PGLYRP2: variants seen among roughly 807,000 people sequenced by gnomAD.
PGLYRP2 encodes N-acetylmuramoyl-L-alanine amidase.
Under a neutral mutation model 46.2 loss-of-function variants are expected in PGLYRP2, and 38 were observed. The ratio of observed to expected loss-of-function variants is 0.82; its 90% CI spans 0.64 to 1.08. The LOEUF (loss-of-function observed/expected upper bound fraction) is 1.08, where lower values mean the gene tolerates loss of function less well. Ranked by LOEUF, PGLYRP2 falls within the 50% of genes least tolerant of loss-of-function variation. The pLI, the probability that PGLYRP2 is intolerant of heterozygous loss-of-function variation, is 0.00. For missense variants in PGLYRP2, 713 were observed against 755.9 expected (o/e 0.94, Z 0.67); for synonymous variants, 289 against 329.4 (o/e 0.88, Z 1.33).
At chr19:15,473,840 AAAAGAAAGAAAGAAAGAAAAAG>A (rs765818222) in intron 2 of PGLYRP2, among the ~76,000 whole-genome samples, 3 of 150,808 alleles carry the variant, frequency 2.0e-5, no homozygotes, top group Non-Finnish European at 3.0e-5. Context: ...GAAAGAAAGA[AAAAGAAAGAAAGAAAGAAAAAG>A]AAAGAAAGAA....
chr19:15,479,455 G>T lies in PGLYRP2; in HGVS notation c.-84C>A. 2 of 1,342,514 alleles carry T rather than the reference G, an allele frequency of 1.5e-6. No homozygotes were observed. The highest frequency in any genetic ancestry group is 2.4e-5 in the East Asian group (1 of 40,902). The allele number at this position is 1,342,514 out of a possible 1,614,324, so 83.2% of individuals were successfully genotyped here. ...GCAGTGCTGGAGGGAGACAGGCACA[G>T]AGAACTGAGCAGAGCCTTTGACCAC... On this transcript the variant is annotated 5_prime_UTR_variant, in exon 1 of 5. In the 5' UTR this introduces an upstream ATG that the reference lacks. Transcript: ENST00000340880.
At chr19:15,472,136 C>T (rs1599764944) in intron 2 of PGLYRP2, 36 bp from the exon 3 acceptor site, 1 of 1,542,582 alleles carries the variant, frequency 6.5e-7, no homozygotes. Flanking sequence ...GGGTCAGGAA[C>T]TGTTTCTCTG....
At position 15,469,783 on chromosome 19, in the gene PGLYRP2, C is replaced by A; in HGVS notation, c.1490G>T (p.Arg497Leu). The change falls in exon 4 of 5, where the codon CGC becomes CTC. Residue 497 changes from arginine to leucine, a missense_variant. Coordinates refer to ENST00000340880, the MANE Select transcript of PGLYRP2 (RefSeq NM_052890.4). This position sits in a 1 kb window ranked among gnomAD's most constrained non-coding sequence, Gnocchi z 4.9. ...ACTCGGGAGCGTGTCGCGCACCGTG[C>A]GCAGAGCGGCCTCGGTGGGCAGCGC... ...TAALPTEAAL[R>L]TVRDTLPSCA... is the part of the protein sequence containing the mutation. 2 of 1,510,416 alleles carry A rather than the reference C, an allele frequency of 1.3e-6. No individual in the cohort carries two copies. The highest frequency in any genetic ancestry group is 1.8e-6 in the Non-Finnish European group (2 of 1,138,038). The allele number at this position is 1,510,416 out of a possible 1,614,324, so 93.6% of individuals were successfully genotyped here.
rs1334290362 is a variant in PGLYRP2, at chr19:15,472,093, C to G, written c.1140G>C (p.Pro380=). 2 of 1,601,026 alleles carry G rather than the reference C, an allele frequency of 1.2e-6. No homozygotes were observed. The highest frequency in any genetic ancestry group is 1.7e-5 in the Admixed American group (1 of 59,904). The change falls in exon 3 of 5, where the codon CCG becomes CCC. Residue 380 remains proline, a synonymous_variant. Coordinates refer to ENST00000340880, the MANE Select transcript of PGLYRP2 (RefSeq NM_052890.4). Reference sequence around the variant, plus strand: ...CCCAGCGGCAGCGGGGGTGGATGGCCGGGCATCCTACAGGCAAGGGGGTTG... The same window carrying G: ...CCCAGCGGCAGCGGGGGTGGATGGCGGGGCATCCTACAGGCAAGGGGGTTG... ...KEFTEAFLGC[P]AIHPRCRWGA... is the part of the protein sequence containing the mutation.
In PGLYRP2 at chr19:15,469,863, C is replaced by A. The variant is rs901107196; in HGVS notation, c.1410G>T (p.Thr470=). 4 of 1,503,254 alleles carry A rather than the reference C, an allele frequency of 2.7e-6. No individual in the cohort carries two copies. The highest frequency in any genetic ancestry group is 3.5e-6 in the Non-Finnish European group (4 of 1,136,622). The allele number at this position is 1,503,254 out of a possible 1,614,324, so 93.1% of individuals were successfully genotyped here. A position where few individuals can be genotyped will look rare whatever the true frequency, so the allele number is the denominator to read the frequency against. Residue 470 remains threonine (T), a synonymous_variant, in exon 4 of 5, where the codon ACG becomes ACT. Coordinates refer to ENST00000340880, the MANE Select transcript of PGLYRP2 (RefSeq NM_052890.4). The surrounding 1 kb of genome is among the most constrained non-coding windows in gnomAD (Gnocchi z 4.9). The part of the protein sequence containing the change: ...GRGWHWVGAH[T]LGHNSRGFGV... ...CGAAGCCCCGGGAGTTGTGGCCGAG[C>A]GTGTGGGCGCCCACCCAGTGCCAGC...
At position 15,475,486 on chromosome 19, in the gene PGLYRP2, G is replaced by C; in HGVS notation, c.1132+52C>G. On this transcript the variant is annotated intron_variant, in intron 2 of 4. Transcript: ENST00000340880. Reference sequence around the variant, plus strand: ...AACTTCCCTGAATATACGGGGTGGGGGCGTCTGTGTCTGTAATGGGAAGGA... The same window carrying C: ...AACTTCCCTGAATATACGGGGTGGGCGCGTCTGTGTCTGTAATGGGAAGGA... 2.0e-6 allele frequency: 3 copies of C among 1,489,116 alleles called. No homozygotes were observed. In the South Asian group the frequency reaches 3.9e-5, roughly 19 times the overall value. The allele number at this position is 1,489,116 out of a possible 1,614,324, so 92.2% of individuals were successfully genotyped here. A position where few individuals can be genotyped will look rare whatever the true frequency, so the allele number is the denominator to read the frequency against.
intron 1 of PGLYRP2, 91 bp downstream of exon 1, chr19:15,479,220 C>T: frequency 2.2e-6 from 3 of 1,352,430 alleles, no homozygotes; most frequent in Non-Finnish European, 3.2e-6. Context: ...TCTCCAGCCT[C>T]ACTCCATGCA....
chr19:15,476,096 C>T lies in PGLYRP2; in HGVS notation c.574G>A (p.Ala192Thr). 2 of 1,614,200 alleles carry T rather than the reference C, an allele frequency of 1.2e-6. No individual in the cohort carries two copies. Among genetic ancestry groups the T allele is most frequent in the Non-Finnish European group, 1.7e-6 (2 of 1,180,036 alleles). Residue 192 changes from alanine (A) to threonine (T), a missense_variant, in exon 2 of 5, where the codon GCT (alanine) becomes ACT (threonine). Ala to Thr is a moderately conservative substitution (Grantham distance 58). Coordinates refer to ENST00000340880, the MANE Select transcript of PGLYRP2 (RefSeq NM_052890.4). ...TADIGANTPDATKGCPDVQAS... is the reference protein window; with the variant it reads ...TADIGANTPDTTKGCPDVQAS... ...TGGACATCTGGACAGCCTTTTGTAGCATCTGGAGTGTTGGCTCCAATATCT... is the reference window on the plus strand; with the variant it reads ...TGGACATCTGGACAGCCTTTTGTAGTATCTGGAGTGTTGGCTCCAATATCT...
Position 15,479,493 on chromosome 19 carries a change from G to T in PGLYRP2, c.-122C>A. 2.0e-6 allele frequency: 2 copies of T among 994,972 alleles called. No homozygotes were observed. Among genetic ancestry groups the T allele is most frequent in the Non-Finnish European group, 3.1e-6 (2 of 645,768 alleles). The allele number at this position is 994,972 out of a possible 1,614,324, so 61.6% of individuals were successfully genotyped here. A position where few individuals can be genotyped will look rare whatever the true frequency, so the allele number is the denominator to read the frequency against. On this transcript the variant is annotated 5_prime_UTR_variant, in exon 1 of 5. In the 5' UTR this introduces an upstream ATG that the reference lacks. Coordinates refer to ENST00000340880, the MANE Select transcript of PGLYRP2 (RefSeq NM_052890.4). ...AGCCTTTGACCACTGTCAAAGTCCA[G>T]CGGCGAATGACAGACCTGCCTCTCG...
chr19:15,476,027 C>T lies in PGLYRP2; in HGVS notation c.643G>A (p.Val215Met), dbSNP rs1445553635. The T allele has an allele frequency of 1.9e-6, 3 of 1,614,190 alleles. No individual in the cohort carries two copies. The highest frequency in any genetic ancestry group is 1.7e-6 in the Non-Finnish European group (2 of 1,180,040). Residue 215 changes from valine (V) to methionine (M), a missense_variant, in exon 2 of 5, where the codon GTG becomes ATG. By Grantham distance (21) the Val-to-Met change is conservative. Coordinates refer to ENST00000340880, the MANE Select transcript of PGLYRP2 (RefSeq NM_052890.4). ...AGGGTGACTGCCAGGAGGCTGTCCA[C>T]CATGGTCGGTGGGGACTTGGCTTTG... ...DAKAKSPPTM[V>M]DSLLAVTLAG...
intron 1 of PGLYRP2, 90 bp downstream of exon 1, chr19:15,479,220 CA>C: frequency 7.4e-7 from 1 of 1,352,430 alleles, no homozygotes; most frequent in Non-Finnish European, 1.1e-6. Context: ...TCTCCAGCCT[CA>C]CTCCATGCAG....
In PGLYRP2 at chr19:15,475,956, C is replaced by G; in HGVS notation, c.714G>C (p.Gln238His). 6.2e-7 allele frequency: 1 copy of G among 1,614,192 alleles called. No homozygotes were observed. The highest frequency in any genetic ancestry group is 1.3e-5 in the African/African-American group (1 of 75,052). Residue 238 changes from glutamine to histidine, a missense_variant, in exon 2 of 5, where the codon CAG (glutamine) becomes CAC (histidine). Coordinates refer to ENST00000340880, the MANE Select transcript of PGLYRP2 (RefSeq NM_052890.4). The part of the protein sequence containing the change: ...GLTFLRGSQT[Q>H]SHPDLGTEGC... ...CCTCAGTTCCCAGGTCTGGATGGCTCTGGGTCTGGGAACCTCGGAGGAAGG... is the reference window on the plus strand; with the variant it reads ...CCTCAGTTCCCAGGTCTGGATGGCTGTGGGTCTGGGAACCTCGGAGGAAGG...
rs1970716369 is a variant in PGLYRP2 at position 15,468,725 on chromosome 19, C to A, written c.1669G>T (p.Val557Phe). 1 of 1,612,736 alleles carries A rather than the reference C, an allele frequency of 6.2e-7. No individual in the cohort carries two copies. The highest frequency in any genetic ancestry group is 1.1e-5 in the South Asian group (1 of 90,922). Residue 557 changes from valine to phenylalanine, a missense_variant, in exon 5 of 5, where the codon GTC becomes TTC. Coordinates refer to ENST00000340880, the MANE Select transcript of PGLYRP2 (RefSeq NM_052890.4). ...GGCTCCCTCCTGGATCTCTTAGAGA[C>A]ACTCCTGGCAGGTCTTGGCTTAACA... Reference protein sequence around the residue: ...ATVKPRPARSVSKRSRREPPP... With the variant: ...ATVKPRPARSFSKRSRREPPP...
chr19:15,469,822 C>A lies in PGLYRP2; in HGVS notation c.1451G>T (p.Gly484Val), dbSNP rs936466531. The change falls in exon 4 of 5, where the codon GGC becomes GTC. Residue 484 changes from glycine (G) to valine (V), a missense_variant. Coordinates refer to ENST00000340880, the MANE Select transcript of PGLYRP2 (RefSeq NM_052890.4). The surrounding 1 kb of genome is among the most constrained non-coding windows in gnomAD (Gnocchi z 4.9). ...GGTGGGCAGCGCCGCGGTGTAGTTG[C>A]CCACTATGGCCACGCCGAAGCCCCG... ...NSRGFGVAIVGNYTAALPTEA... is the reference protein window; with the variant it reads ...NSRGFGVAIVVNYTAALPTEA... 20 of 1,527,232 alleles carry A rather than the reference C, an allele frequency of 1.3e-5. No homozygotes were observed. Among genetic ancestry groups the A allele is most frequent in the Middle Eastern group, 2.1e-4 (1 of 4,694 alleles). The allele number at this position is 1,527,232 out of a possible 1,614,324, so 94.6% of individuals were successfully genotyped here.
Position 15,479,342 on chromosome 19 carries a change from G to A in PGLYRP2, c.30C>T (p.Leu10=), listed in dbSNP as rs750725549. The A allele has an allele frequency of 1.9e-6, 3 of 1,614,072 alleles. No homozygotes were observed. Among genetic ancestry groups the A allele is most frequent in the Non-Finnish European group, 2.5e-6 (3 of 1,179,980 alleles). ...CTGGGTCTGACCACAGTAGCAATCC[G>A]AGTAGGATCCAGAGGACACCCTGGG... is the stretch of plus-strand genomic sequence containing the variant. MAQGVLWIL[L]GLLLWSDPGT... The change falls in exon 1 of 5, where the codon CTC becomes CTT. Residue 10 remains leucine (L), a synonymous_variant. Transcript: ENST00000340880.
At chr19:15,473,054 C>G (rs746124615) in intron 2 of PGLYRP2, among the ~76,000 whole-genome samples, 1 of 152,010 alleles carries the variant, frequency 6.6e-6, no homozygotes, top group Non-Finnish European at 1.5e-5. Context: ...TCAACTAAGT[C>G]GACAAAAATA....
chr19:15,475,302 C>A (rs1440374864), intron 2 of PGLYRP2, among the ~76,000 whole-genome samples: 1 of 152,072 alleles, frequency 6.6e-6, no homozygotes, highest in African/African-American at 2.4e-5. Context: ...CACTTGTACC[C>A]CATAAATTAA....
At position 15,476,535 on chromosome 19, in the gene PGLYRP2, C is replaced by G. The variant is rs1970799375; in HGVS notation, c.135G>C (p.Lys45Asn). The G allele has an allele frequency of 6.2e-7, 1 of 1,613,724 alleles. No homozygotes were observed. Among genetic ancestry groups the G allele is most frequent in the African/African-American group, 1.3e-5 (1 of 74,942 alleles). ...GCCACGCAGAAGCTGTGTGTCTGGT[C>G]TTGGCAGCTGGCACTTTCTGCTCCA... ...AELEQKVPAA[K>N]TRHTASAWLM... is the part of the protein sequence containing the mutation. The change falls in exon 2 of 5, where the codon AAG (lysine) becomes AAC (asparagine). Residue 45 changes from lysine (K) to asparagine (N), a missense_variant. Physicochemically the swap from Lys to Asn is moderately conservative, Grantham distance 94. Transcript: ENST00000340880.
chr19:15,472,198 C>T, intron 2 of PGLYRP2, 98 bp from the exon 3 acceptor site: 1 of 1,056,466 alleles, frequency 9.5e-7, no homozygotes. Context: ...CCTCAGCCTC[C>T]TCTCAGATTT....
Sources: allele counts gnomAD v4.1 joint callset (sites outside exome capture counted in the v4.1 genomes callset), GRCh38; gene constraint gnomAD v4.1.1; non-coding constraint Gnocchi (gnomAD v3.1); transcripts MANE v1.5; gene names NCBI Gene and HGNC (gene_info 2026-07-23, HGNC 2026-07-21).